Variants in IGSF11 observed in about 807,000 individuals in gnomAD.
The protein encoded by IGSF11 is immunoglobulin superfamily member 11, also known as CXADR like 1.
A neutral mutation model predicts 41.0 loss-of-function variants in IGSF11; 22 were observed. That is an observed-to-expected ratio of 0.54 (90% confidence interval 0.38 to 0.77). The LOEUF (loss-of-function observed/expected upper bound fraction) is 0.77, where lower values mean the gene tolerates loss of function less well. Among genes scored for constraint, IGSF11 ranks in the 30% least tolerant of loss-of-function variants. The pLI is 0.00. For synonymous variants in IGSF11, 219 were observed against 201.3 expected, an observed-to-expected ratio of 1.09 and a Z score of -0.74; for missense variants, 444 against 530.8, an observed-to-expected ratio of 0.84 and a Z score of 1.61.
chr3:118,945,210 A>AC (rs1197142007), intron 1 of IGSF11, among the ~76,000 whole-genome samples: 3 of 152,200 alleles, frequency 2.0e-5, no homozygotes, highest in Non-Finnish European at 4.4e-5. Context: ...GGGAAAAAAA[A>AC]CCAGAAAACA....
intron 1 of IGSF11, among the ~76,000 whole-genome samples, chr3:119,058,391 C>T (rs1941932705): frequency 6.6e-6 from 1 of 152,196 alleles, no homozygotes; most frequent in East Asian, 1.9e-4. Context: ...CATCACTGGC[C>T]ATCAGAGAAA....
At chr3:119,010,464 T>C (rs1429721281) in intron 1 of IGSF11, among the ~76,000 whole-genome samples, 1 of 152,206 alleles carries the variant, frequency 6.6e-6, no homozygotes, top group Non-Finnish European at 1.5e-5. Context: ...TGGAAGAGAT[T>C]AGCATTTTAA....
chr3:119,109,939 A>G (rs1466623691), upstream of IGSF11, among the ~76,000 whole-genome samples: 2 of 152,146 alleles, frequency 1.3e-5, no homozygotes, highest in Non-Finnish European at 2.9e-5. Flanking sequence ...GTTTGATTGC[A>G]CTGTGGTCTG....
intron 1 of IGSF11, among the ~76,000 whole-genome samples, chr3:119,128,204 C>CA (rs1366764534): frequency 5.9e-5 from 9 of 151,874 alleles, no homozygotes; most frequent in African/African-American, 2.2e-4. Context: ...ATTAAAAATA[C>CA]AAAAATCAGC....
At chr3:118,941,462 G>C (rs191058550) in intron 1 of IGSF11, among the ~76,000 whole-genome samples, 8 of 152,046 alleles carry the variant, frequency 5.3e-5, no homozygotes, top group Non-Finnish European at 1.2e-4. Context: ...ATATTAACAC[G>C]ACAATGCTAA....
At chr3:119,016,115 A>C (rs896564788) in intron 1 of IGSF11, among the ~76,000 whole-genome samples, 25 of 152,258 alleles carry the variant, frequency 1.6e-4, no homozygotes, top group Admixed American at 1.5e-3. Flanking sequence ...AAGAACAGCC[A>C]CAAACACAAA....
At chr3:118,970,756 A>T (rs1933304401) in intron 1 of IGSF11, among the ~76,000 whole-genome samples, 1 of 152,098 alleles carries the variant, frequency 6.6e-6, no homozygotes, top group Non-Finnish European at 1.5e-5. Flanking sequence ...TTTACAAAAA[A>T]AAAAAAAAAA....
chr3:119,110,686 T>C lies in IGSF11; in HGVS notation c.-13-5481A>G, dbSNP rs983843914. Among the ~76,000 whole-genome samples the C allele has an allele frequency of 3.0e-4, 46 of 152,322 alleles. No individual in the cohort carries two copies. In the South Asian group the frequency reaches 7.9e-3, roughly 26 times the overall value. ...AGTTGATGCAGTTTCTTCCTAGTCT[T>C]GATGGTCTTTACATTTTGGCATGAT... On this transcript the variant is annotated intron_variant, in intron 1 of 7. Transcript: ENST00000425327.
intron 1 of IGSF11, among the ~76,000 whole-genome samples, chr3:118,967,371 A>G (rs1333683468): frequency 6.6e-6 from 1 of 152,232 alleles, no homozygotes; most frequent in Non-Finnish European, 1.5e-5. Context: ...CGATTTAGAT[A>G]TAACTTTACA....
chr3:118,968,579 A>G (rs917560771), intron 1 of IGSF11, among the ~76,000 whole-genome samples: 1 of 152,176 alleles, frequency 6.6e-6, no homozygotes, highest in Non-Finnish European at 1.5e-5. Context: ...CAAAAAGGGG[A>G]TCCTAATTAA....
intron 1 of IGSF11, among the ~76,000 whole-genome samples, chr3:119,053,849 C>T (rs988672838): frequency 1.3e-5 from 2 of 152,050 alleles, no homozygotes; most frequent in African/African-American, 4.8e-5. Flanking sequence ...AAAGAGAACC[C>T]AGAAATAAAG....
chr3:119,012,653 A>G (rs1423941657), intron 1 of IGSF11: 1 of 152,084 alleles, frequency 6.6e-6, no homozygotes, highest in Non-Finnish European at 1.5e-5. Flanking sequence ...CCCTTCATAC[A>G]TTTCCCCCAT....
chr3:119,116,857 A>C (rs920962185), intron 1 of IGSF11, among the ~76,000 whole-genome samples: 1 of 152,096 alleles, frequency 6.6e-6, no homozygotes, highest in Non-Finnish European at 1.5e-5. Context: ...CTCTACCTGA[A>C]CCGACAACCC....
At chr3:118,923,084 G>A (rs1005459633) in intron 4 of IGSF11, among the ~76,000 whole-genome samples, 8 of 152,202 alleles carry the variant, frequency 5.3e-5, no homozygotes, top group South Asian at 2.1e-4. Context: ...CTCAGCTGAC[G>A]TGCAAGTGGA....
chr3:119,119,700 A>T (rs2077306709), intron 1 of IGSF11, among the ~76,000 whole-genome samples: 1 of 152,028 alleles, frequency 6.6e-6, no homozygotes, highest in South Asian at 2.1e-4. Context: ...TCCCAGAAAA[A>T]TTTCAATTCT....
chr3:119,045,051 T>A (rs1228023446), intron 1 of IGSF11, among the ~76,000 whole-genome samples: 1 of 152,130 alleles, frequency 6.6e-6, no homozygotes, highest in Non-Finnish European at 1.5e-5. Flanking sequence ...ACCTCACATC[T>A]CAATACTAAC....
intron 1 of IGSF11, among the ~76,000 whole-genome samples, chr3:118,950,176 T>G (rs1944468989): frequency 6.6e-6 from 1 of 152,306 alleles, no homozygotes; most frequent in Admixed American, 6.5e-5. Flanking sequence ...CACTCTATAC[T>G]TTCTCTGTTT....
chr3:119,054,151 A>C (rs1176958261), intron 1 of IGSF11, among the ~76,000 whole-genome samples: 2 of 152,214 alleles, frequency 1.3e-5, no homozygotes, highest in Non-Finnish European at 2.9e-5. Flanking sequence ...GCAAAAAGTC[A>C]AAGATAAATA....
intron 1 of IGSF11, among the ~76,000 whole-genome samples, chr3:119,119,231 T>C (rs139811670): frequency 2.0e-5 from 3 of 152,172 alleles, no homozygotes; most frequent in African/African-American, 7.2e-5. Context: ...GACTGGGTAA[T>C]TTACACAGGA....
Sources: allele counts gnomAD v4.1 joint callset (sites outside exome capture counted in the v4.1 genomes callset), GRCh38; gene constraint gnomAD v4.1.1; transcripts MANE v1.5; gene names NCBI Gene and HGNC (gene_info 2026-07-23, HGNC 2026-07-21).